GASK1B: variants seen among roughly 807,000 people sequenced by gnomAD.
GASK1B encodes Golgi-associated kinase 1B.
A neutral mutation model predicts 42.8 loss-of-function variants in GASK1B; 34 were observed. The ratio of observed to expected loss-of-function variants is 0.79; its 90% CI spans 0.60 to 1.06. The LOEUF (loss-of-function observed/expected upper bound fraction) is 1.06. Among genes scored for constraint, GASK1B ranks in the 50% least tolerant of loss-of-function variants. The probability of loss-of-function intolerance (pLI) is 0.00; values close to 1 mark genes in which losing one functional copy is unlikely to be tolerated. For synonymous variants in GASK1B, 262 were observed against 259.1 expected (o/e 1.01, Z -0.11); for missense variants, 686 against 661.0 (o/e 1.04, Z -0.42).
chr4:158,160,608 C>T (rs1195646387), intron 2 of GASK1B, among the ~76,000 whole-genome samples: 1 of 152,086 alleles, frequency 6.6e-6, no homozygotes, highest in Non-Finnish European at 1.5e-5. Context: ...GGGTATCTAT[C>T]CAAAGGAATT....
chr4:158,131,997 C>T (rs1399125748), intron 3 of GASK1B, among the ~76,000 whole-genome samples: 1 of 152,166 alleles, frequency 6.6e-6, no homozygotes, highest in Non-Finnish European at 1.5e-5. Flanking sequence ...AACACACCTA[C>T]ATACCATCCA....
chr4:158,142,031 G>A (rs1247267614), intron 3 of GASK1B, among the ~76,000 whole-genome samples: 1 of 131,730 alleles, frequency 7.6e-6, no homozygotes, highest in Admixed American at 8.3e-5. Context: ...TGCAAGCTCC[G>A]CTTCCTGGGT....
intron 3 of GASK1B, among the ~76,000 whole-genome samples, chr4:158,145,765 A>T (rs895894414): frequency 5.9e-5 from 9 of 152,334 alleles, no homozygotes; most frequent in African/African-American, 2.2e-4. Flanking sequence ...TACCAGCACT[A>T]AACCTACTCA....
chr4:158,168,285 C>T (rs944331424), intron 2 of GASK1B: 1 of 152,108 alleles, frequency 6.6e-6, no homozygotes, highest in Non-Finnish European at 1.5e-5. Context: ...ATAAACCCCG[C>T]CTTCAAATGA....
chr4:158,132,704 G>A (rs1249373702), intron 3 of GASK1B, among the ~76,000 whole-genome samples: 1 of 152,168 alleles, frequency 6.6e-6, no homozygotes, highest in Non-Finnish European at 1.5e-5. Context: ...GGTCACATGT[G>A]TGGCAAGCGA....
intron 3 of GASK1B, among the ~76,000 whole-genome samples, chr4:158,136,961 T>C (rs1400748971): frequency 7.9e-5 from 12 of 152,216 alleles, no homozygotes; most frequent in Admixed American, 7.2e-4. Flanking sequence ...TGTATTTGGC[T>C]ATTTACAATG....
intron 2 of GASK1B, among the ~76,000 whole-genome samples, chr4:158,159,290 C>G (rs1251697405): frequency 2.6e-5 from 4 of 152,124 alleles, no homozygotes; most frequent in Non-Finnish European, 5.9e-5. Context: ...GCTGTGGTTC[C>G]TTTCCACATA....
chr4:158,134,796 G>A (rs1192086833), intron 3 of GASK1B, among the ~76,000 whole-genome samples: 5 of 151,784 alleles, frequency 3.3e-5, no homozygotes, highest in South Asian at 2.1e-4. Context: ...TGAGTGATTC[G>A]ACTTATGCTT....
At position 158,171,151 on chromosome 4, in the gene GASK1B, G is replaced by A. The variant is rs369077509; in HGVS notation, c.225C>T (p.Asp75=). ...TCTCAGGGAAGGATGGCTCGGCGGT[G>A]TCGCGGCTGCGATGTGGCCCCTTCT... ...AAEKGPHRSR[D]TAEPSFPEIP... The change falls in exon 2 of 5, where the codon GAC becomes GAT. Residue 75 remains aspartate (D), a synonymous_variant. Coordinates refer to ENST00000585682, the MANE Select transcript of GASK1B (RefSeq NM_001128424.2). 2.9e-4 allele frequency: 459 copies of A among 1,608,254 alleles called. No homozygotes were observed. The highest frequency in any genetic ancestry group is 3.6e-4 in the Non-Finnish European group (429 of 1,175,848).
intron 2 of GASK1B, chr4:158,159,784 T>A (rs1375480673): frequency 5.8e-6 from 1 of 171,544 alleles, no homozygotes; most frequent in Non-Finnish European, 1.3e-5. Flanking sequence ...CCAAGTCGTT[T>A]TTTATTCAAA....
chr4:158,164,401 A>G (rs1161998569), intron 2 of GASK1B, among the ~76,000 whole-genome samples: 1 of 152,228 alleles, frequency 6.6e-6, no homozygotes, highest in African/African-American at 2.4e-5. Flanking sequence ...AGCACAGCAG[A>G]GAAGGTTGCC....
At chr4:158,141,269 A>T (rs1196755860) in intron 3 of GASK1B, among the ~76,000 whole-genome samples, 1 of 152,010 alleles carries the variant, frequency 6.6e-6, no homozygotes, top group Non-Finnish European at 1.5e-5. Flanking sequence ...GATCAGTCTG[A>T]AAAGGATGTG....
intron 3 of GASK1B, among the ~76,000 whole-genome samples, chr4:158,137,093 A>T (rs1435841373): frequency 1.3e-5 from 2 of 152,204 alleles, no homozygotes; most frequent in Non-Finnish European, 2.9e-5. Flanking sequence ...AAAATTGAAC[A>T]GGCCAAATAA....
At chr4:158,141,638 G>A (rs28560201) in intron 3 of GASK1B, among the ~76,000 whole-genome samples, 110,937 of 124,824 alleles carry the variant, frequency 0.89, 50,118 homozygotes, top group East Asian at 0.98. Context: ...ACGGAATCTC[G>A]CTCTGTCGCA....
chr4:158,158,130 TG>T (rs923251161), intron 2 of GASK1B, among the ~76,000 whole-genome samples: 1 of 152,140 alleles, frequency 6.6e-6, no homozygotes, highest in African/African-American at 2.4e-5. Flanking sequence ...AGAGAAGTTA[TG>T]TAACCTTTTT....
intron 2 of GASK1B, chr4:158,168,230 C>G (rs1482742478): frequency 2.6e-5 from 4 of 152,250 alleles, no homozygotes; most frequent in Admixed American, 2.0e-4. Context: ...TCCATCACCA[C>G]TACCATATGA....
chr4:158,170,202 G>T, intron 2 of GASK1B: 1 of 1,599,524 alleles, frequency 6.3e-7, no homozygotes, highest in South Asian at 1.1e-5. Flanking sequence ...ACTGGGAAGT[G>T]AAGCGAGGGA....
intron 2 of GASK1B, among the ~76,000 whole-genome samples, chr4:158,157,915 A>G (rs573905370): frequency 6.3e-4 from 96 of 152,270 alleles, no homozygotes; most frequent in Non-Finnish European, 1.1e-3. Context: ...ATAGCTAAGA[A>G]AATAAAAATC....
chr4:158,160,011 T>C (rs1454280643), intron 2 of GASK1B, among the ~76,000 whole-genome samples: 1 of 152,112 alleles, frequency 6.6e-6, no homozygotes, highest in East Asian at 1.9e-4. Context: ...AGAAAAGTCT[T>C]GAGCTCTGAA....
Sources: allele counts gnomAD v4.1 joint callset (sites outside exome capture counted in the v4.1 genomes callset), GRCh38; gene constraint gnomAD v4.1.1; transcripts MANE v1.5; gene names NCBI Gene and HGNC (gene_info 2026-07-23, HGNC 2026-07-21).